The following C4orf50 variants were observed in gnomAD, a reference collection of about 807,000 sequenced individuals.
The protein encoded by C4orf50 is uncharacterized protein C4orf50.
Under a neutral mutation model 77.2 loss-of-function variants are expected in C4orf50, and 80 were observed. The ratio of observed to expected loss-of-function variants is 1.04; its 90% confidence interval spans 0.87 to 1.25. The LOEUF is 1.25. Ranked by LOEUF, C4orf50 falls within the 50% of genes most tolerant of loss-of-function variation. The pLI, the probability that C4orf50 is intolerant of heterozygous loss-of-function variation, is 0.00. For synonymous variants in C4orf50, 532 were observed against 465.3 expected, an observed-to-expected ratio of 1.14 and a Z score of -1.84; for missense variants, 1,257 against 1,152.9, an observed-to-expected ratio of 1.09 and a Z score of -1.31.
intron 7 of C4orf50, among the ~76,000 whole-genome samples, chr4:5,936,434 C>A (rs779342853): frequency 6.6e-6 from 1 of 151,736 alleles, no homozygotes; most frequent in East Asian, 1.9e-4. Context: ...TGGTGGCGGG[C>A]GCCTCTAATC....
chr4:5,994,241 C>T, intron 26 of C4orf50, 106 bp downstream of exon 4: 1 of 397,296 alleles, frequency 2.5e-6, no homozygotes, highest in Non-Finnish European at 4.4e-6. Flanking sequence ...GAGGGGGGAC[C>T]ACCCCCTCTC....
In C4orf50 at chr4:5,998,091, T is replaced by A. The variant is rs192727459; in HGVS notation, c.964-3615A>T. ...CTGAGACTCAGGCATAAACCTTTTT[T>A]AAAGGCATTTAATACTTACTGCTTG... On this transcript the variant is annotated intron_variant, in intron 25 of 33. Transcript: ENST00000531445. 9.8e-5 allele frequency among the ~76,000 whole-genome samples: 15 copies of A among 152,346 alleles called. No homozygotes were observed. In the East Asian group the frequency reaches 2.7e-3, roughly 28 times the overall value.
At chr4:5,947,160 C>T (rs1283057763) in intron 7 of C4orf50, among the ~76,000 whole-genome samples, 1 of 152,022 alleles carries the variant, frequency 6.6e-6, no homozygotes. Flanking sequence ...AAATAGACTC[C>T]CTCAGTCACC....
rs927827221 is a variant in C4orf50 at position 6,009,330 on chromosome 4, C to T, written c.427-798G>A. ...AAGCAAAGGGATAGAACTACGTCTA[C>T]GTTAATCTTTCAACTACTGTCACCT... is the stretch of plus-strand genomic sequence containing the variant. On this transcript the variant is annotated intron_variant, in intron 24 of 33. Coordinates refer to ENST00000531445, the Ensembl canonical transcript of C4orf50. The surrounding 1 kb of genome is among the most constrained non-coding windows in gnomAD (Gnocchi z 5.6). Among the ~76,000 whole-genome samples, 1 of 152,298 alleles carries T rather than the reference C, an allele frequency of 6.6e-6. No homozygotes were observed. Among genetic ancestry groups the T allele is most frequent in the South Asian group, 2.1e-4 (1 of 4,828 alleles).
Position 5,996,392 on chromosome 4 carries a change from C to T in C4orf50, c.964-1916G>A, listed in dbSNP as rs550989700. 3.9e-5 allele frequency among the ~76,000 whole-genome samples: 6 copies of T among 152,254 alleles called. No homozygotes were observed. In the South Asian group the frequency reaches 6.2e-4, roughly 16 times the overall value. On this transcript the variant is annotated intron_variant, in intron 25 of 33. Coordinates refer to ENST00000531445, the Ensembl canonical transcript of C4orf50. Reference sequence around the variant, plus strand: ...TTGCTCCCTGCTTCTCACCCTTCGACGCTTCCTGTTACACTGAAAGAGAAA... The same window carrying T: ...TTGCTCCCTGCTTCTCACCCTTCGATGCTTCCTGTTACACTGAAAGAGAAA...
At chr4:5,933,074 C>T (rs1033775555) in intron 7 of C4orf50, among the ~76,000 whole-genome samples, 3 of 152,174 alleles carry the variant, frequency 2.0e-5, no homozygotes, top group Admixed American at 6.5e-5. Context: ...GAGCCCTGGA[C>T]GGGAGCCTGG....
chr4:6,016,084 T>C (rs1194562845), intron 23 of C4orf50, among the ~76,000 whole-genome samples: 1 of 152,238 alleles, frequency 6.6e-6, no homozygotes, highest in Non-Finnish European at 1.5e-5. Context: ...ATCTTACTTG[T>C]GTTTTTTTGA....
intron 7 of C4orf50, among the ~76,000 whole-genome samples, chr4:5,939,730 A>G (rs952175900): frequency 2.6e-5 from 4 of 152,100 alleles, no homozygotes; most frequent in Non-Finnish European, 5.9e-5. Flanking sequence ...TGGTCATTGC[A>G]CTGAACCAGG....
At chr4:5,993,833 A>G (rs375033812) in intron 26 of C4orf50, among the ~76,000 whole-genome samples, 2 of 138,952 alleles carry the variant, frequency 1.4e-5, no homozygotes, top group Admixed American at 1.4e-4. Flanking sequence ...ATAAAATAAA[A>G]AAATAAAAAT....
chr4:5,915,607 G>T (rs568876051), intron 7 of C4orf50, among the ~76,000 whole-genome samples: 31 of 152,346 alleles, frequency 2.0e-4, no homozygotes, highest in Middle Eastern at 3.4e-3. Flanking sequence ...CCACCAGGAA[G>T]AAAGGCTAGC....
rs1717195191 is a variant in C4orf50, at chr4:5,920,073, A to G, written c.*2475-21885T>C. Among the ~76,000 whole-genome samples the G allele has an allele frequency of 3.3e-5, 5 of 152,248 alleles. No homozygotes were observed. The South Asian group carries it at 1.0e-3, about 32-fold the overall frequency. On this transcript the variant is annotated intron_variant, in intron 7 of 7. Transcript: ENST00000324058. ...GTAATAGAGATGATTTACAGCACACACTGTGTAGGTTATATGCAAATGCCG... is the reference window on the plus strand; with the variant it reads ...GTAATAGAGATGATTTACAGCACACGCTGTGTAGGTTATATGCAAATGCCG...
At chr4:5,963,000 CTTTTTTTTTTT>C (rs370272649) in intron 33 of C4orf50, among the ~76,000 whole-genome samples, 1 of 146,084 alleles carries the variant, frequency 6.8e-6, no homozygotes, top group Admixed American at 6.8e-5. Flanking sequence ...TTTTTCTTTT[CTTTTTTTTTTT>C]TTTTTTTTGA....
At chr4:5,934,215 A>G (rs1205712710) in intron 7 of C4orf50, among the ~76,000 whole-genome samples, 3 of 152,000 alleles carry the variant, frequency 2.0e-5, no homozygotes, top group African/African-American at 7.3e-5. Flanking sequence ...CGAGGTGGAC[A>G]GTGTTTGGCG....
intron 26 of C4orf50, 137 bp downstream of exon 4, chr4:5,994,210 G>C (rs1471668105): frequency 2.5e-6 from 1 of 395,154 alleles, no homozygotes; most frequent in Non-Finnish European, 4.5e-6. Context: ...ACCTCTCTGA[G>C]CCTCGATTCT....
chr4:5,970,870 G>A lies in C4orf50; in HGVS notation c.4104+2789C>T, dbSNP rs1719869162. Reference sequence around the variant, plus strand: ...GAGCCTAGCAGCAGGATGCTGGGAGGGTGGAGTAAGCAGATCCATGGAGAG... The same window carrying A: ...GAGCCTAGCAGCAGGATGCTGGGAGAGTGGAGTAAGCAGATCCATGGAGAG... On this transcript the variant is annotated intron_variant, in intron 31 of 33. Coordinates refer to ENST00000531445, the Ensembl canonical transcript of C4orf50. The surrounding 1 kb of genome is among the most constrained non-coding windows in gnomAD (Gnocchi z 4.3). Among the ~76,000 whole-genome samples the A allele has an allele frequency of 6.6e-6, 1 of 152,164 alleles. No homozygotes were observed. Among genetic ancestry groups the A allele is most frequent in the Non-Finnish European group, 1.5e-5 (1 of 68,032 alleles).
chr4:5,930,063 A>G (rs1717698456), intron 7 of C4orf50, among the ~76,000 whole-genome samples: 1 of 152,170 alleles, frequency 6.6e-6, no homozygotes, highest in Non-Finnish European at 1.5e-5. Context: ...GATGACAACC[A>G]GGTGTTGATA....
intron 29 of C4orf50, among the ~76,000 whole-genome samples, chr4:5,978,646 G>A (rs371286548): frequency 6.6e-6 from 1 of 152,154 alleles, no homozygotes; most frequent in African/African-American, 2.4e-5. Context: ...TATTGTTGGT[G>A]GCATGGAAGT....
rs1368841156 is a variant in C4orf50, at chr4:5,908,335, AC to A, written c.*2475-10148del. ...GCTGACTGAGACATTATGACAGGGT[AC>A]ATGCAGGAAGCTCACTGCACTGCAC... On this transcript the variant is annotated intron_variant, in intron 7 of 7. Coordinates refer to the C4orf50 transcript ENST00000324058. This position sits in a 1 kb window ranked among gnomAD's most constrained non-coding sequence, Gnocchi z 5.6. Among the ~76,000 whole-genome samples, 1 of 152,172 alleles carries A rather than the reference AC, an allele frequency of 6.6e-6. No homozygotes were observed. Among genetic ancestry groups the A allele is most frequent in the African/African-American group, 2.4e-5 (1 of 41,452 alleles).
In C4orf50 at chr4:6,008,455, C is replaced by T; in HGVS notation, c.504G>A (p.Glu168=). ...GGGCCGCCGCCTGCTGCCCCAGTGC[C>T]TCGTCCTTGCGCCGCAACCGCTCCT... The change falls in exon 25 of 34, where the codon GAG becomes GAA. Residue 168 remains glutamate, a synonymous_variant. Transcript: ENST00000531445. This position sits in a 1 kb window ranked among gnomAD's most constrained non-coding sequence, Gnocchi z 6.0. 2.5e-6 allele frequency: 1 copy of T among 397,438 alleles called. No individual in the cohort carries two copies. Among genetic ancestry groups the T allele is most frequent in the Non-Finnish European group, 4.4e-6 (1 of 225,296 alleles). 24.6% of individuals were successfully genotyped at this position (397,438 alleles called of 1,614,324 possible). A position where few individuals can be genotyped will look rare whatever the true frequency, so the allele number is the denominator to read the frequency against.
Sources: allele counts gnomAD v4.1 joint callset (sites outside exome capture counted in the v4.1 genomes callset), GRCh38; gene constraint gnomAD v4.1.1; non-coding constraint Gnocchi (gnomAD v3.1); transcripts MANE v1.5; gene names NCBI Gene and HGNC (gene_info 2026-07-23, HGNC 2026-07-21).